Variants in ENTREP2 observed in about 807,000 individuals in gnomAD.
ENTREP2 encodes endosomal transmembrane epsin interactor 2, also known as protein ENTREP2.
At chr15:29,519,215 A>C in the ENTREP2 span, among the ~76,000 whole-genome samples, 2 of 151,992 alleles carry the variant, frequency 1.3e-5, no homozygotes, top group Non-Finnish European at 2.9e-5. Flanking sequence ...CCTTTAAGCT[A>C]AAGTTGGGAG....
the ENTREP2 span, among the ~76,000 whole-genome samples, chr15:29,351,526 C>T: frequency 0.014 from 2,128 of 151,842 alleles, 50 homozygotes; most frequent in African/African-American, 0.047. Context: ...GAAACAGAAA[C>T]GAAAAATTAA....
the ENTREP2 span, among the ~76,000 whole-genome samples, chr15:29,493,227 G>T: frequency 8.4e-6 from 1 of 118,366 alleles, no homozygotes; most frequent in South Asian, 3.5e-4. Flanking sequence ...TCCGCCTCCC[G>T]GGTTCACGCC....
At chr15:29,247,350 A>G in the ENTREP2 span, among the ~76,000 whole-genome samples, 1 of 152,234 alleles carries the variant, frequency 6.6e-6, no homozygotes, top group Non-Finnish European at 1.5e-5. Flanking sequence ...CATTCTTTCC[A>G]AGTCTTGGCA....
the ENTREP2 span, among the ~76,000 whole-genome samples, chr15:29,568,189 T>C: frequency 1.3e-5 from 2 of 152,224 alleles, no homozygotes; most frequent in East Asian, 3.8e-4. Flanking sequence ...TCAAGGTGCT[T>C]GCAGCAAAGT....
the ENTREP2 span, among the ~76,000 whole-genome samples, chr15:29,476,940 C>T: frequency 5.9e-5 from 9 of 152,308 alleles, no homozygotes; most frequent in African/African-American, 1.9e-4. Flanking sequence ...TCCAAACAGG[C>T]GCGTATGCTC....
the ENTREP2 span, among the ~76,000 whole-genome samples, chr15:29,470,404 C>G: frequency 6.6e-6 from 1 of 152,176 alleles, no homozygotes; most frequent in East Asian, 1.9e-4. Context: ...TCTCGGGGAG[C>G]CTCCTGCCAG....
At chr15:29,227,174 G>C in the ENTREP2 span, among the ~76,000 whole-genome samples, 1 of 152,192 alleles carries the variant, frequency 6.6e-6, no homozygotes, top group Non-Finnish European at 1.5e-5. Context: ...TTTCCAAAGA[G>C]AAAGGGACAG....
At chr15:29,361,378 A>T in the ENTREP2 span, among the ~76,000 whole-genome samples, 2 of 152,216 alleles carry the variant, frequency 1.3e-5, no homozygotes, top group Non-Finnish European at 2.9e-5. Context: ...GTCTTGGGCC[A>T]ATGTATAAAA....
chr15:29,352,315 C>T, the ENTREP2 span, among the ~76,000 whole-genome samples: 2 of 152,208 alleles, frequency 1.3e-5, no homozygotes, highest in African/African-American at 4.8e-5. Flanking sequence ...CAGATGAAAT[C>T]CCCAGGAATG....
the ENTREP2 span, among the ~76,000 whole-genome samples, chr15:29,392,411 C>T: frequency 5.1e-5 from 7 of 137,212 alleles, no homozygotes; most frequent in South Asian, 4.9e-4. Flanking sequence ...GATAAACTCC[C>T]GTTTTTGGTT....
At chr15:29,144,267 A>G in the ENTREP2 span, among the ~76,000 whole-genome samples, 1 of 152,250 alleles carries the variant, frequency 6.6e-6, no homozygotes, top group Non-Finnish European at 1.5e-5. Context: ...AACCCATTTT[A>G]CTTTAACTTA....
chr15:29,145,949 T>G, the ENTREP2 span, among the ~76,000 whole-genome samples: 1,475 of 152,282 alleles, frequency 9.7e-3, 27 homozygotes, highest in African/African-American at 0.034. Flanking sequence ...AAGCTCAAAA[T>G]GAGTTCAGCA....
chr15:29,554,749 G>T, the ENTREP2 span, among the ~76,000 whole-genome samples: 1 of 147,640 alleles, frequency 6.8e-6, no homozygotes, highest in East Asian at 2.0e-4. Flanking sequence ...AAGGGCCCGG[G>T]TATTCTCACC....
chr15:29,151,884 T>A, the ENTREP2 span: 1 of 1,456,552 alleles, frequency 6.9e-7, no homozygotes, highest in Non-Finnish European at 9.4e-7. Context: ...CATCCCGAAA[T>A]AGATAGCAGA....
the ENTREP2 span, among the ~76,000 whole-genome samples, chr15:29,510,202 C>T: frequency 6.6e-6 from 1 of 152,154 alleles, no homozygotes; most frequent in African/African-American, 2.4e-5. Context: ...CGATGAGATG[C>T]CATCTCATGC....
chr15:29,225,013 C>G, the ENTREP2 span, among the ~76,000 whole-genome samples: 1 of 152,200 alleles, frequency 6.6e-6, no homozygotes, highest in South Asian at 2.1e-4. Context: ...CCTCACTGCC[C>G]GGGCCGGCGG....
At chr15:29,258,278 G>A in the ENTREP2 span, among the ~76,000 whole-genome samples, 9 of 149,394 alleles carry the variant, frequency 6.0e-5, no homozygotes, top group South Asian at 1.9e-3. Flanking sequence ...TTTCATATTA[G>A]AAGTTACGGC....
the ENTREP2 span, among the ~76,000 whole-genome samples, chr15:29,156,032 C>T: frequency 1.3e-5 from 2 of 152,118 alleles, no homozygotes; most frequent in Non-Finnish European, 1.5e-5. Context: ...TTGTGGCAAA[C>T]AGCAGGCACA....
chr15:29,124,619 G>T, the ENTREP2 span: 1 of 1,339,000 alleles, frequency 7.5e-7, no homozygotes, highest in Non-Finnish European at 1.0e-6. Flanking sequence ...TGTAGCCAAG[G>T]ACCCACCAAC....
Sources: allele counts gnomAD v4.1 joint callset (sites outside exome capture counted in the v4.1 genomes callset), GRCh38; gene constraint gnomAD v4.1.1; transcripts MANE v1.5; gene names NCBI Gene and HGNC (gene_info 2026-07-23, HGNC 2026-07-21).